WDR45: variants seen among roughly 807,000 people sequenced by gnomAD.
WDR45 encodes the protein WD repeat domain phosphoinositide-interacting protein 4.
A neutral mutation model predicts 27.3 loss-of-function variants in WDR45; 2 were observed. The ratio of observed to expected loss-of-function variants is 0.07; its 90% CI spans 0.03 to 0.23. The LOEUF (loss-of-function observed/expected upper bound fraction) is 0.23, where lower values mean the gene tolerates loss of function less well. Among genes scored for constraint, WDR45 ranks in the 10% least tolerant of loss-of-function variants. The pLI is 1.00. For missense variants in WDR45, 175 were observed against 311.9 expected, an observed-to-expected ratio of 0.56 and a Z score of 3.31; for synonymous variants, 99 against 119.2, an observed-to-expected ratio of 0.83 and a Z score of 1.11.
chrX:49,079,501 T>C (rs2065056742), intron 1 of WDR45: 1 of 111,134 alleles, frequency 9.0e-6, no homozygotes, highest in Non-Finnish European at 1.9e-5. Context: ...CTCCTTCCTT[T>C]CTTTCAGTTA....
At chrX:49,087,947 T>A (rs2065091924) in intron 2 of WDR45, among the ~76,000 whole-genome samples, 1 of 112,137 alleles carries the variant, frequency 8.9e-6, no homozygotes, top group Admixed American at 9.6e-5. Flanking sequence ...ACATCATAGC[T>A]GGTTGAGATG....
chrX:49,082,989 C>T (rs1006724484), upstream of WDR45, among the ~76,000 whole-genome samples: 9 of 110,471 alleles, frequency 8.1e-5, no homozygotes, highest in Non-Finnish European at 1.1e-4. Context: ...AAGCGATTCT[C>T]CTGCCTCAGG....
At chrX:49,091,190 C>T (rs910022588) in intron 2 of WDR45, among the ~76,000 whole-genome samples, 15 of 110,835 alleles carry the variant, frequency 1.4e-4, no homozygotes, top group Non-Finnish European at 2.5e-4. Flanking sequence ...CTTGTAATTC[C>T]AGCACTTTGG....
intron 2 of WDR45, among the ~76,000 whole-genome samples, chrX:49,095,433 G>A (rs781945781): frequency 9.2e-6 from 1 of 109,083 alleles, no homozygotes; most frequent in Admixed American, 9.9e-5. Flanking sequence ...CTGAGTAGCT[G>A]AGACTATAGG....
chrX:49,094,042 A>G (rs1303380875), intron 2 of WDR45, among the ~76,000 whole-genome samples: 11 of 111,260 alleles, frequency 9.9e-5, no homozygotes, highest in Non-Finnish European at 1.3e-4. Flanking sequence ...AGGTTTCACC[A>G]TGTTGGCCAG....
chrX:49,076,414 A>G lies in WDR45; in HGVS notation c.436+16T>C. On this transcript the variant is annotated intron_variant, in intron 6 of 10. Coordinates refer to ENST00000376372, the MANE Select transcript of WDR45 (RefSeq NM_001029896.2). Reference sequence around the variant, plus strand: ...CTGTTTCATGCCCTTACACCTGTGTATCTGAGCCCTCTCACCCTTGGGGTT... The same window carrying G: ...CTGTTTCATGCCCTTACACCTGTGTGTCTGAGCCCTCTCACCCTTGGGGTT... 1 of 1,208,764 alleles carries G rather than the reference A, an allele frequency of 8.3e-7. No homozygotes were observed. The highest frequency in any genetic ancestry group is 1.1e-6 in the Non-Finnish European group (1 of 893,178).
upstream of WDR45, among the ~76,000 whole-genome samples, chrX:49,082,948 C>T (rs1249189854): frequency 9.3e-6 from 1 of 107,476 alleles, no homozygotes; most frequent in Non-Finnish European, 1.9e-5. Flanking sequence ...GGGGCGATCT[C>T]GGTTAACTGC....
intron 2 of WDR45, among the ~76,000 whole-genome samples, chrX:49,091,946 C>T (rs782502658): frequency 9.7e-6 from 1 of 102,949 alleles, no homozygotes; most frequent in South Asian, 4.4e-4. Context: ...CTGGCTAACA[C>T]GGTGAAACCC....
At position 49,076,327 on chromosome X, in the gene WDR45, ATTTCTCTGTGTGTGAG is replaced by A. The variant is rs2065037058; in HGVS notation, c.436+87_436+102del. 7 of 884,589 alleles carry A rather than the reference ATTTCTCTGTGTGTGAG, an allele frequency of 7.9e-6. No homozygotes were observed. In the East Asian group the frequency reaches 2.2e-4, roughly 28 times the overall value. 72.9% of individuals were successfully genotyped at this position (884,589 alleles called of 1,213,427 possible). ...TGAGCATCTCCCTGCCTCTTTCCCC[ATTTCTCTGTGTGTGAG>A]TGCCCCTTCCTTTCTTTCCTCATCT... On this transcript the variant is annotated intron_variant, in intron 6 of 10. Transcript: ENST00000376372.
upstream of WDR45, chrX:49,082,005 AT>A (rs2065069344): frequency 3.8e-5 from 4 of 106,380 alleles, no homozygotes; most frequent in African/African-American, 1.3e-4. Context: ...AAAAAAAAGA[AT>A]ATTCTTGAAA....
At chrX:49,090,988 C>T (rs2065102875) in intron 2 of WDR45, among the ~76,000 whole-genome samples, 1 of 111,222 alleles carries the variant, frequency 9.0e-6, no homozygotes, top group East Asian at 2.9e-4. Context: ...GCCCAGCTAA[C>T]TTTTTTTTGT....
Position 49,095,759 on chromosome X carries a change from C to CTTTT in WDR45, c.-18+4442_-18+4445dup, listed in dbSNP as rs1204267334. ...ACAGGTGTGAGCCACCGTGCCCGGCCTTTTTTTTTTTTTTTTTTTTTTTTG... is the reference window on the plus strand; with the variant it reads ...ACAGGTGTGAGCCACCGTGCCCGGCCTTTTTTTTTTTTTTTTTTTTTTTTTTTTG... On this transcript the variant is annotated intron_variant, in intron 2 of 11. Transcript: ENST00000356463. Among the ~76,000 whole-genome samples, 75 of 26,126 alleles carry CTTTT rather than the reference C, an allele frequency of 2.9e-3. 1 individual carries two copies. The highest frequency in any genetic ancestry group is 6.9e-3 in the South Asian group (1 of 145). 22.7% of individuals were successfully genotyped at this position (26,126 alleles called of 115,157 possible).
chrX:49,081,508 T>A (rs55951736), upstream of WDR45, among the ~76,000 whole-genome samples: 6,523 of 81,937 alleles, frequency 0.08, 685 homozygotes, highest in African/African-American at 0.28. Flanking sequence ...CCAGCCTGGG[T>A]AATAGAGTGA....
chrX:49,091,501 G>A (rs1322912974), intron 2 of WDR45, among the ~76,000 whole-genome samples: 1 of 106,259 alleles, frequency 9.4e-6, no homozygotes, highest in Non-Finnish European at 1.9e-5. Context: ...TGTAATCCCA[G>A]CACTTTGGGA....
At chrX:49,091,261 C>A in intron 2 of WDR45, among the ~76,000 whole-genome samples, 1 of 106,089 alleles carries the variant, frequency 9.4e-6, no homozygotes, top group African/African-American at 3.5e-5. Context: ...GCCAACATGG[C>A]AAAACCCCAT....
intron 6 of WDR45, 84 bp downstream of exon 6, chrX:49,076,346 C>T: frequency 1.0e-6 from 1 of 980,102 alleles, no homozygotes; most frequent in Non-Finnish European, 1.4e-6. Flanking sequence ...TGTGTGAGTG[C>T]CCCTTCCTTT....
At chrX:49,086,739 G>A (rs1201504863) in intron 2 of WDR45, among the ~76,000 whole-genome samples, 2 of 110,695 alleles carry the variant, frequency 1.8e-5, no homozygotes, top group Admixed American at 9.7e-5. Context: ...GATTACAGGC[G>A]TGCACCACCA....
Position 49,075,370 on chromosome X carries a change from C to T in WDR45, c.821G>A (p.Arg274His), listed in dbSNP as rs782754327. 2 of 1,206,762 alleles carry T rather than the reference C, an allele frequency of 1.7e-6. No homozygotes were observed. The highest frequency in any genetic ancestry group is 2.2e-6 in the Non-Finnish European group (2 of 892,462). Residue 274 changes from arginine (R) to histidine (H), a missense_variant, in exon 9 of 11, where the codon CGC becomes CAC. By Grantham distance (29) the Arg-to-His change is conservative. Transcript: ENST00000376372. ...GTGGGGAGGGGGTACTCACGCGGAGCGGCGGTTGAGGCGGGTATCCTTGAG... is the reference window on the plus strand; with the variant it reads ...GTGGGGAGGGGGTACTCACGCGGAGTGGCGGTTGAGGCGGGTATCCTTGAG... ...FALKDTRLNR[R>H]SALARVGKVG...
intron 6 of WDR45, 150 bp from the exon 7 acceptor site, chrX:49,076,095 G>C (rs1249897446): frequency 6.0e-6 from 3 of 496,402 alleles, no homozygotes; most frequent in Non-Finnish European, 1.0e-5. Context: ...TGCACGCCCC[G>C]CCAGCTAGGC....
Sources: gnomAD v4.1 joint callset for allele counts (sites outside exome capture counted in the v4.1 genomes callset) on GRCh38, gnomAD v4.1.1 for gene constraint, MANE v1.5 for transcripts, NCBI Gene and HGNC (gene_info 2026-07-23, HGNC 2026-07-21) for gene names.